VPS52: variants seen among roughly 807,000 people sequenced by gnomAD.
VPS52 encodes the protein vacuolar protein sorting-associated protein 52 homolog.
VPS52 carries 56 observed loss-of-function variants against 98.7 expected under a neutral mutation model. The ratio of observed to expected loss-of-function variants is 0.57; its 90% confidence interval spans 0.46 to 0.71. The LOEUF (loss-of-function observed/expected upper bound fraction) is 0.71, where lower values mean the gene tolerates loss of function less well. VPS52 is among the 30% of genes least tolerant of loss of function. VPS52 has a pLI of 0.00. For synonymous variants in VPS52, 348 were observed against 346.4 expected, an observed-to-expected ratio of 1.00 and a Z score of -0.05; for missense variants, 742 against 925.9, an observed-to-expected ratio of 0.80 and a Z score of 2.58.
intron 19 of VPS52, 50 bp from the exon 20 acceptor site, chr6:33,251,037 G>A (rs1762169858): frequency 6.2e-7 from 1 of 1,612,198 alleles, no homozygotes; most frequent in Non-Finnish European, 8.5e-7. Flanking sequence ...GGTGCTAATA[G>A]TGATGATTAA....
intron 17 of VPS52, among the ~76,000 whole-genome samples, chr6:33,252,935 G>GA (rs548727007): frequency 9.1e-4 from 130 of 142,148 alleles, no homozygotes; most frequent in Non-Finnish European, 9.3e-4. Context: ...TATCCCTGTA[G>GA]AAAAAAAAAA....
intron 2 of VPS52, 24 bp from the exon 3 acceptor site, chr6:33,270,075 G>A: frequency 1.2e-6 from 2 of 1,614,150 alleles, no homozygotes; most frequent in Non-Finnish European, 1.7e-6. Flanking sequence ...TTTATCATAA[G>A]GGTCCAGCTC....
Position 33,264,468 on chromosome 6 carries a change from C to T in VPS52, c.1430G>A (p.Trp477Ter). 1 of 1,614,184 alleles carries T rather than the reference C, an allele frequency of 6.2e-7. No homozygotes were observed. Among genetic ancestry groups the T allele is most frequent in the Non-Finnish European group, 8.5e-7 (1 of 1,180,044 alleles). Residue 477 changes from tryptophan to a stop codon, truncating the protein, a stop_gained, in exon 14 of 20, where the codon TGG becomes TAG. Transcript: ENST00000445902. LOFTEE classifies it high-confidence loss of function. ...CTCCAGGATCAGTTCAAACCGTGGCCATAGCAAGGCAAGCACCTGTTCCCA... is the reference window on the plus strand; with the variant it reads ...CTCCAGGATCAGTTCAAACCGTGGCTATAGCAAGGCAAGCACCTGTTCCCA... ...RYWEQVLALLWPRFELILEMN... is the reference protein window; with the variant it reads ...RYWEQVLALL
chr6:33,251,232 C>T (rs1377491863), intron 19 of VPS52, among the ~76,000 whole-genome samples: 1 of 151,930 alleles, frequency 6.6e-6, no homozygotes, highest in African/African-American at 2.4e-5. Flanking sequence ...ATCCCAGCTA[C>T]TTGGGAGGCT....
chr6:33,271,779 G>A lies in VPS52; in HGVS notation c.-104C>T. On this transcript the variant is annotated 5_prime_UTR_variant, in exon 1 of 20. Coordinates refer to ENST00000445902, the MANE Select transcript of VPS52 (RefSeq NM_022553.6). ...CTTCCTCAGCGCGAAATCGTTCCCA[G>A]ATATTTGAGTTAAGTTGTTTGACTC... The A allele has an allele frequency of 2.7e-6, 4 of 1,472,860 alleles. No individual in the cohort carries two copies. The highest frequency in any genetic ancestry group is 3.6e-6 in the Non-Finnish European group (4 of 1,110,670). 91.2% of individuals were successfully genotyped at this position (1,472,860 alleles called of 1,614,324 possible). A position where few individuals can be genotyped will look rare whatever the true frequency, so the allele number is the denominator to read the frequency against.
In VPS52 at chr6:33,265,194, A is replaced by G. The variant is rs1458494842; in HGVS notation, c.1282-294T>C. On this transcript the variant is annotated intron_variant, in intron 12 of 19. Transcript: ENST00000445902. ...CAGGTTCAAGCAATTCTCCTGCCTC[A>G]GCCTCCTGAGTAGCTGGAATTATAG... 2.6e-5 allele frequency among the ~76,000 whole-genome samples: 4 copies of G among 152,242 alleles called. No homozygotes were observed. The East Asian group carries it at 5.8e-4, about 22-fold the overall frequency.
intron 17 of VPS52, among the ~76,000 whole-genome samples, chr6:33,253,938 C>G (rs1762629909): frequency 1.3e-5 from 2 of 151,984 alleles, no homozygotes; most frequent in Admixed American, 1.3e-4. Flanking sequence ...CTGATGATGC[C>G]TGGGGGTTCA....
In VPS52 at chr6:33,264,378, T is replaced by G; in HGVS notation, c.1520A>C (p.His507Pro). 6.2e-7 allele frequency: 1 copy of G among 1,614,004 alleles called. No homozygotes were observed. Among genetic ancestry groups the G allele is most frequent in the Non-Finnish European group, 8.5e-7 (1 of 1,179,964 alleles). The change falls in exon 14 of 20, where the codon CAC becomes CCC. Residue 507 changes from histidine to proline, a missense_variant. Physicochemically the swap from His to Pro is moderately conservative, Grantham distance 77 (BLOSUM62 -2). Around this residue, in one of 2 missense-constraint regions of VPS52, gnomAD observed 590 missense variants for 793.3 expected, o/e 0.74. Transcript: ENST00000445902. ...QRLGGLDTRPHYITRRYAEFS... is the reference protein window; with the variant it reads ...QRLGGLDTRPPYITRRYAEFS... The stretch of plus-strand genomic sequence containing the variant: ...GTTACCCTTGCCCTCCCTCACATAG[T>G]GGGGCCGAGTATCCAACCCCCCTAG...
intron 17 of VPS52, among the ~76,000 whole-genome samples, chr6:33,253,342 T>C (rs558868020): frequency 8.6e-5 from 13 of 151,758 alleles, no homozygotes; most frequent in Non-Finnish European, 1.5e-4. Flanking sequence ...ATACAAAAAT[T>C]AGCTGGGCGT....
In VPS52 at chr6:33,267,933, C is replaced by A; in HGVS notation, c.865G>T (p.Val289Leu). Residue 289 changes from valine to leucine, a missense_variant, in exon 9 of 20, where the codon GTG becomes TTG. Val to Leu is a conservative substitution (Grantham distance 32). Coordinates refer to ENST00000445902, the MANE Select transcript of VPS52 (RefSeq NM_022553.6). The surrounding 1 kb of genome is among the most constrained non-coding windows in gnomAD (Gnocchi z 4.2). The part of the protein sequence containing the change: ...ATAKEIRDEY[V>L]ETLSKIYLSY... ...AGGTAAATCTTGCTCAGCGTCTCCA[C>A]ATATTCATCCCTGATCTCCTTTGCT... 4 of 1,613,150 alleles carry A rather than the reference C, an allele frequency of 2.5e-6. No individual in the cohort carries two copies. Among genetic ancestry groups the A allele is most frequent in the Non-Finnish European group, 3.4e-6 (4 of 1,180,052 alleles).
At chr6:33,259,977 A>T (rs754789844) in intron 17 of VPS52, among the ~76,000 whole-genome samples, 6 of 152,212 alleles carry the variant, frequency 3.9e-5, no homozygotes, top group Non-Finnish European at 5.9e-5. Flanking sequence ...CTTTTGATGA[A>T]GATAATCAAT....
chr6:33,266,014 C>T (rs987200231), intron 12 of VPS52, among the ~76,000 whole-genome samples: 4 of 151,630 alleles, frequency 2.6e-5, no homozygotes, highest in Admixed American at 1.3e-4. Context: ...TTACAGGCCG[C>T]GCACACCTGG....
intron 1 of VPS52, chr6:33,271,231 T>TG (rs1370633716): frequency 1.7e-6 from 1 of 602,532 alleles, no homozygotes; most frequent in Admixed American, 2.9e-5. Flanking sequence ...GTGTGAGAAA[T>TG]GATGGCACAG....
At chr6:33,269,655 G>C (rs17215196) in intron 4 of VPS52, 89 bp downstream of exon 4, 32,859 of 1,569,606 alleles carry the variant, frequency 0.021, 636 homozygotes, top group African/African-American at 0.088. Flanking sequence ...AGAAACCTCA[G>C]AGATGTTGAC....
chr6:33,266,608 A>G lies in VPS52; in HGVS notation c.1230T>C (p.Ala410=). 1 of 1,612,896 alleles carries G rather than the reference A, an allele frequency of 6.2e-7. No homozygotes were observed. The highest frequency in any genetic ancestry group is 8.5e-7 in the Non-Finnish European group (1 of 1,179,952). The change falls in exon 12 of 20, where the codon GCT becomes GCC. Residue 410 remains alanine, a synonymous_variant. Coordinates refer to ENST00000445902, the MANE Select transcript of VPS52 (RefSeq NM_022553.6). The part of the protein sequence containing the change: ...ICEFFVVSGP[A]AHDLFHAVMG... ...TGACAGCATGGAACAGGTCGTGTGC[A>G]GCTGGGCCAGACACAACAAAAAATT...
rs1391126424 is a variant in VPS52, at chr6:33,264,909, T to C, written c.1282-9A>G. 3 of 1,602,998 alleles carry C rather than the reference T, an allele frequency of 1.9e-6. No homozygotes were observed. The highest frequency in any genetic ancestry group is 1.7e-5 in the Admixed American group (1 of 59,988). ...TAAGAATCCAGGTGTTTCTGTGTGA[T>C]TGGGGAACAAACAGAGGATTAAAAG... On this transcript the variant is annotated splice_polypyrimidine_tract_variant and intron_variant, in intron 12 of 19. Transcript: ENST00000445902.
At position 33,264,958 on chromosome 6, in the gene VPS52, G is replaced by A. The variant is rs1168913277; in HGVS notation, c.1282-58C>T. On this transcript the variant is annotated intron_variant, in intron 12 of 19. Transcript: ENST00000445902. ...AGAGAATGTCAGTTTGTTGTCCTCA[G>A]TGACTATGAACAAACGCATTTGTTT... 7 of 1,439,098 alleles carry A rather than the reference G, an allele frequency of 4.9e-6. No homozygotes were observed. The Admixed American group carries it at 6.7e-5, about 14-fold the overall frequency. The allele number at this position is 1,439,098 out of a possible 1,614,324, so 89.1% of individuals were successfully genotyped here.
In VPS52 at chr6:33,269,886, T is replaced by A. The variant is rs1327475915; in HGVS notation, c.229-67A>T. On this transcript the variant is annotated intron_variant, in intron 3 of 19. Transcript: ENST00000445902. ...TAAAGGGACACTGTAACAGAATCAG[T>A]GAAGGACTAAAGGGTCAGATACCAG... 1.1e-5 allele frequency: 17 copies of A among 1,594,560 alleles called. No individual in the cohort carries two copies. In the South Asian group the frequency reaches 1.7e-4, roughly 16 times the overall value.
chr6:33,253,608 T>A (rs183494500), intron 17 of VPS52, among the ~76,000 whole-genome samples: 1 of 152,136 alleles, frequency 6.6e-6, no homozygotes, highest in East Asian at 1.9e-4. Flanking sequence ...AACCATCTGT[T>A]ACCAGGTGTG....
Sources: gnomAD v4.1 joint callset for allele counts (sites outside exome capture counted in the v4.1 genomes callset) on GRCh38, gnomAD v4.1.1 for gene constraint, gnomAD v4.1.1 regional missense constraint, Gnocchi (gnomAD v3.1) non-coding constraint, MANE v1.5 for transcripts, NCBI Gene and HGNC (gene_info 2026-07-23, HGNC 2026-07-21) for gene names.